Variants in GPC5 observed in about 807,000 individuals in gnomAD.
The protein encoded by GPC5 is glypican 5, also known as glypican-5.
In GPC5, 47 loss-of-function variants were observed where a neutral mutation model predicts 53.9. The ratio of observed to expected loss-of-function variants is 0.87; its 90% CI spans 0.69 to 1.11. The LOEUF is 1.11. Ranked by LOEUF, GPC5 falls within the 50% of genes most tolerant of loss-of-function variation. GPC5 has a pLI of 0.00. For synonymous variants in GPC5, 286 were observed against 263.3 expected (o/e 1.09, Z -0.84); for missense variants, 748 against 713.1 (o/e 1.05, Z -0.56).
chr13:92,248,921 C>T (rs1239232773), intron 7 of GPC5, among the ~76,000 whole-genome samples: 1 of 152,060 alleles, frequency 6.6e-6, no homozygotes, highest in Non-Finnish European at 1.5e-5. Flanking sequence ...TAAGTGGTCT[C>T]CTAGGCAGCA....
At chr13:92,537,491 A>C (rs1457059791) in intron 7 of GPC5, among the ~76,000 whole-genome samples, 2 of 152,164 alleles carry the variant, frequency 1.3e-5, no homozygotes, top group Non-Finnish European at 2.9e-5. Context: ...ACATATGCAC[A>C]GGCTTATCTG....
chr13:92,434,101 A>T (rs1877204666), intron 7 of GPC5, among the ~76,000 whole-genome samples: 1 of 152,212 alleles, frequency 6.6e-6, no homozygotes, highest in South Asian at 2.1e-4. Flanking sequence ...AAAGGCAAGG[A>T]ACATAGACCT....
chr13:92,223,008 A>AT lies in GPC5; in HGVS notation c.1561+78025dup, dbSNP rs567709575. Among the ~76,000 whole-genome samples, 14 of 152,202 alleles carry AT rather than the reference A, an allele frequency of 9.2e-5. No homozygotes were observed. In the South Asian group the frequency reaches 1.2e-3, roughly 14 times the overall value. On this transcript the variant is annotated intron_variant, in intron 7 of 7. Coordinates refer to ENST00000377067, the MANE Select transcript of GPC5 (RefSeq NM_004466.6). The stretch of plus-strand genomic sequence containing the variant: ...ATATTTTATGGGGTAGTATTTATAG[A>AT]TTTTTTATGAGGACTATAATCCCGA...
At chr13:92,192,883 A>G (rs2042232320) in intron 7 of GPC5, among the ~76,000 whole-genome samples, 1 of 152,206 alleles carries the variant, frequency 6.6e-6, no homozygotes, top group African/African-American at 2.4e-5. Context: ...GAATTTATTA[A>G]AAACATATTG....
intron 7 of GPC5, among the ~76,000 whole-genome samples, chr13:92,683,341 G>A (rs1887164007): frequency 6.6e-6 from 1 of 152,154 alleles, no homozygotes; most frequent in Admixed American, 6.5e-5. Flanking sequence ...GGAAGATGAC[G>A]CTACTTCCAA....
intron 7 of GPC5, among the ~76,000 whole-genome samples, chr13:92,168,430 A>G (rs921745656): frequency 3.3e-5 from 5 of 152,346 alleles, no homozygotes; most frequent in Non-Finnish European, 7.3e-5. Flanking sequence ...AATTGTTGCC[A>G]TCTATCTATC....
chr13:91,555,701 C>T (rs1484754124), intron 2 of GPC5, among the ~76,000 whole-genome samples: 3 of 151,978 alleles, frequency 2.0e-5, no homozygotes, highest in African/African-American at 4.8e-5. Flanking sequence ...TAAATGGACT[C>T]ATAGTTCCAT....
chr13:92,819,838 T>C (rs1877612897), intron 7 of GPC5, among the ~76,000 whole-genome samples: 1 of 152,172 alleles, frequency 6.6e-6, no homozygotes, highest in South Asian at 2.1e-4. Flanking sequence ...ACTTTTTAGT[T>C]CTAATTTGAT....
intron 7 of GPC5, among the ~76,000 whole-genome samples, chr13:92,500,818 T>G (rs1880155441): frequency 1.3e-5 from 2 of 152,138 alleles, no homozygotes; most frequent in South Asian, 4.1e-4. Context: ...GGGTGCAGCT[T>G]AGAGAGAGGG....
intron 6 of GPC5, among the ~76,000 whole-genome samples, chr13:92,066,671 G>A (rs1005932822): frequency 6.6e-6 from 1 of 152,028 alleles, no homozygotes; most frequent in Non-Finnish European, 1.5e-5. Flanking sequence ...GTTTTACTGA[G>A]AAAATTGCAG....
At chr13:91,704,999 G>T (rs754167779) in intron 3 of GPC5, among the ~76,000 whole-genome samples, 2 of 152,220 alleles carry the variant, frequency 1.3e-5, no homozygotes, top group Non-Finnish European at 2.9e-5. Context: ...GAAGACTCCA[G>T]CTGTCAGTTC....
intron 7 of GPC5, among the ~76,000 whole-genome samples, chr13:92,344,816 T>G (rs1398103996): frequency 6.6e-6 from 1 of 152,148 alleles, no homozygotes; most frequent in Non-Finnish European, 1.5e-5. Flanking sequence ...GTCAAACTTT[T>G]GATTACAACA....
chr13:92,172,699 TC>T (rs1219126590), intron 7 of GPC5, among the ~76,000 whole-genome samples: 4 of 152,134 alleles, frequency 2.6e-5, no homozygotes, highest in African/African-American at 9.6e-5. Context: ...AAAGGAGAGT[TC>T]TTCTCATTAC....
chr13:91,705,103 G>T (rs984077592), intron 3 of GPC5, among the ~76,000 whole-genome samples: 6 of 152,112 alleles, frequency 3.9e-5, no homozygotes, highest in Non-Finnish European at 8.8e-5. Context: ...TCCCTTCTCT[G>T]TTTTCATTTT....
At chr13:91,916,457 A>G (rs72633725) in intron 6 of GPC5, among the ~76,000 whole-genome samples, 1 of 152,360 alleles carries the variant, frequency 6.6e-6, no homozygotes, top group Non-Finnish European at 1.5e-5. Context: ...TTATTTGCCA[A>G]TAAAGAAGAT....
rs1272215827 is a variant in GPC5 at position 92,579,292 on chromosome 13, TCTCTCTCTCCCTCC to T, written c.1562-286986_1562-286973del. 1.2e-3 allele frequency among the ~76,000 whole-genome samples: 82 copies of T among 69,684 alleles called. 6 individuals carry two copies. The highest frequency in any genetic ancestry group is 2.5e-3 in the African/African-American group (32 of 12,822). The allele number at this position is 69,684 out of a possible 152,430, so 45.7% of individuals were successfully genotyped here. On this transcript the variant is annotated intron_variant, in intron 7 of 7. Transcript: ENST00000377067. The stretch of plus-strand genomic sequence containing the variant: ...CTCCCTCCCTCTCTCTCTCTCTCTC[TCTCTCTCTCCCTCC>T]CTCCCTCCCTCCCTCCCTCTCTCTC...
intron 3 of GPC5, among the ~76,000 whole-genome samples, chr13:91,719,637 A>G (rs932023832): frequency 2.6e-5 from 4 of 152,216 alleles, no homozygotes. Context: ...TTGCAATGCA[A>G]TTTTAATTGA....
intron 7 of GPC5, among the ~76,000 whole-genome samples, chr13:92,801,484 A>C (rs1219892975): frequency 2.0e-5 from 3 of 151,806 alleles, no homozygotes; most frequent in African/African-American, 4.8e-5. Context: ...ATAATAAATG[A>C]CTATATTACT....
chr13:91,661,270 T>A (rs551575270), intron 2 of GPC5, among the ~76,000 whole-genome samples: 1 of 152,348 alleles, frequency 6.6e-6, no homozygotes, highest in South Asian at 2.1e-4. Context: ...GCTGTTGGAA[T>A]GACTATTTGA....
Sources: allele counts gnomAD v4.1 joint callset (sites outside exome capture counted in the v4.1 genomes callset), GRCh38; gene constraint gnomAD v4.1.1; transcripts MANE v1.5; gene names NCBI Gene and HGNC (gene_info 2026-07-23, HGNC 2026-07-21).